Variants in SPTBN2 observed in about 807,000 individuals in gnomAD.
SPTBN2 encodes the protein spectrin beta chain, non-erythrocytic 2.
Under a neutral mutation model 284.2 loss-of-function variants are expected in SPTBN2, and 107 were observed. The observed-to-expected ratio is 0.38, with a 90% CI of 0.32 to 0.44. The LOEUF is 0.44. Ranked by LOEUF, SPTBN2 falls within the 20% of genes least tolerant of loss-of-function variation. SPTBN2 has a pLI of 1.00. For synonymous variants in SPTBN2, 1,289 were observed against 1,354.8 expected (o/e 0.95, Z 1.07); for missense variants, 2,569 against 3,287.1 (o/e 0.78, Z 5.34).
At chr11:66,713,880 G>A in intron 7 of SPTBN2, 134 bp from the exon 8 acceptor site, 2 of 870,764 alleles carry the variant, frequency 2.3e-6, no homozygotes, top group Non-Finnish European at 3.8e-6. Context: ...AACCCACACT[G>A]CTGCTCACAG....
chr11:66,714,138 G>A lies in SPTBN2; in HGVS notation c.609C>T (p.Thr203=). ...TGAAAGCTAGTCCATCTCTCCAGCT[G>A]GTGGTGAAGTTGTGTACATTGACGT... ...YPNVNVHNFT[T]SWRDGLAFNA... The change falls in exon 7 of 38, where the codon ACC becomes ACT. Residue 203 remains threonine, a synonymous_variant. Transcript: ENST00000533211. 6.2e-7 allele frequency: 1 copy of A among 1,614,224 alleles called. No homozygotes were observed. Among genetic ancestry groups the A allele is most frequent in the Non-Finnish European group, 8.5e-7 (1 of 1,180,048 alleles).
rs775065582 is a variant in SPTBN2 at position 66,689,796 on chromosome 11, C to G, written c.5949+9G>C. On this transcript the variant is annotated intron_variant, in intron 29 of 37. Transcript: ENST00000533211. Reference sequence around the variant, plus strand: ...GTGAGAATGGCCCGGCCACCCAGGCCTCACCCACCTCCTCGGCCGCATAGT... The same window carrying G: ...GTGAGAATGGCCCGGCCACCCAGGCGTCACCCACCTCCTCGGCCGCATAGT... 8 of 1,613,158 alleles carry G rather than the reference C, an allele frequency of 5.0e-6. No homozygotes were observed. The highest frequency in any genetic ancestry group is 5.9e-6 in the Non-Finnish European group (7 of 1,180,044).
chr11:66,694,755 G>A (rs978897336), intron 21 of SPTBN2, among the ~76,000 whole-genome samples: 1 of 152,142 alleles, frequency 6.6e-6, no homozygotes, highest in African/African-American at 2.4e-5. Flanking sequence ...CCAATCCATC[G>A]TGGCCCTGCT....
chr11:66,720,529 G>C (rs1299223958), intron 3 of SPTBN2, among the ~76,000 whole-genome samples: 1 of 152,220 alleles, frequency 6.6e-6, no homozygotes, highest in African/African-American at 2.4e-5. Flanking sequence ...GGCAGGCAGA[G>C]AGCACACCAG....
chr11:66,726,040 C>T (rs76506083), intron 1 of SPTBN2, among the ~76,000 whole-genome samples: 4,300 of 152,250 alleles, frequency 0.028, 202 homozygotes, highest in African/African-American at 0.098. Flanking sequence ...TGTCTCTCTG[C>T]CCGCTCCACA....
At chr11:66,686,535 G>A in intron 36 of SPTBN2, 95 bp from the exon 37 acceptor site, 1 of 1,395,562 alleles carries the variant, frequency 7.2e-7, no homozygotes, top group Non-Finnish European at 1.0e-6. Context: ...CACCAGGCTG[G>A]GACATCTGGC....
At chr11:66,722,892 C>CAAAAAAAAA (rs1293210992) in intron 1 of SPTBN2, among the ~76,000 whole-genome samples, 1 of 55,236 alleles carries the variant, frequency 1.8e-5, no homozygotes, top group Non-Finnish European at 3.7e-5. Context: ...GATTCTGCCT[C>CAAAAAAAAA]AAAAAAAAAA....
intron 15 of SPTBN2, among the ~76,000 whole-genome samples, chr11:66,703,364 G>A (rs1002730897): frequency 1.3e-5 from 2 of 152,036 alleles, no homozygotes; most frequent in Non-Finnish European, 2.9e-5. Flanking sequence ...TTACAGGTGT[G>A]AGCCACCAGG....
intron 28 of SPTBN2, 22 bp from the exon 29 acceptor site, chr11:66,689,965 A>T (rs747743786): frequency 8.1e-6 from 13 of 1,613,788 alleles, no homozygotes; most frequent in Admixed American, 1.7e-5. Flanking sequence ...CAGAAACAGC[A>T]TCACCTGCTG....
Position 66,705,289 on chromosome 11 carries a change from G to A in SPTBN2, c.1987C>T (p.Leu663Phe), listed in dbSNP as rs1416043873. 1 of 1,601,956 alleles carries A rather than the reference G, an allele frequency of 6.2e-7. No homozygotes were observed. The highest frequency in any genetic ancestry group is 8.5e-7 in the Non-Finnish European group (1 of 1,178,098). ...CGGCCCGTGTCGGCTGAGGCCAGGA[G>A]GTGCTGCTGCTCCCGCACCCAGGCC... ...AEAWVREQQH[L>F]LASADTGRDL... is the part of the protein sequence containing the mutation. Residue 663 changes from leucine to phenylalanine, a missense_variant, in exon 15 of 38, where the codon CTC becomes TTC. Leu to Phe is a conservative substitution (Grantham distance 22). Transcript: ENST00000533211.
intron 17 of SPTBN2, 79 bp from the exon 18 acceptor site, chr11:66,699,687 T>C (rs1394128406): frequency 7.0e-7 from 1 of 1,437,350 alleles, no homozygotes; most frequent in East Asian, 2.3e-5. Context: ...CAGGGGCAAA[T>C]CTGAGAGGTA....
At chr11:66,716,799 G>C (rs1398842976) in intron 3 of SPTBN2, among the ~76,000 whole-genome samples, 1 of 152,248 alleles carries the variant, frequency 6.6e-6, no homozygotes, top group African/African-American at 2.4e-5. Context: ...GCCCGAAGGA[G>C]AGCAAGAGCT....
chr11:66,688,512 G>A (rs1940309559), intron 31 of SPTBN2, 141 bp downstream of exon 31: 1 of 1,457,390 alleles, frequency 6.9e-7, no homozygotes, highest in Admixed American at 2.0e-5. Context: ...TCCTAAAGGT[G>A]TGGTGACAAT....
chr11:66,731,526 G>A (rs1942814353), upstream of SPTBN2, among the ~76,000 whole-genome samples: 1 of 152,190 alleles, frequency 6.6e-6, no homozygotes, highest in Non-Finnish European at 1.5e-5. Flanking sequence ...GGGAAGAGGT[G>A]TCCCTCTTTT....
chr11:66,716,613 G>A (rs1942163542), intron 3 of SPTBN2, among the ~76,000 whole-genome samples: 1 of 152,244 alleles, frequency 6.6e-6, no homozygotes, highest in Non-Finnish European at 1.5e-5. Context: ...TGGAATGCTG[G>A]TCAAGTGACT....
In SPTBN2 at chr11:66,689,912, T is replaced by C. The variant is rs1489782983; in HGVS notation, c.5842A>G (p.Asn1948Asp). 1 of 1,614,046 alleles carries C rather than the reference T, an allele frequency of 6.2e-7. No individual in the cohort carries two copies. The highest frequency in any genetic ancestry group is 8.5e-7 in the Non-Finnish European group (1 of 1,180,000). Residue 1948 changes from asparagine (N) to aspartate (D), a missense_variant, in exon 29 of 38, where the codon AAC (asparagine) becomes GAC (aspartate). By Grantham distance (23) the Asn-to-Asp change is conservative. Around this residue, in one of 6 missense-constraint regions of SPTBN2, gnomAD observed 1,130 missense variants for 1,317.3 expected, o/e 0.86. Coordinates refer to ENST00000533211, the MANE Select transcript of SPTBN2 (RefSeq NM_006946.4). ...ATCTCTGCCTTGATGCCTTGCTGGT[T>C]CTTGATGACTAGATCCGCGGAGGAC... Reference protein sequence around the residue: ...DVSSADLVIKNQQGIKAEIEA... With the variant: ...DVSSADLVIKDQQGIKAEIEA...
chr11:66,704,734 A>C lies in SPTBN2; in HGVS notation c.2542T>G (p.Leu848Val). 1 of 1,603,004 alleles carries C rather than the reference A, an allele frequency of 6.2e-7. No homozygotes were observed. The highest frequency in any genetic ancestry group is 8.5e-7 in the Non-Finnish European group (1 of 1,175,944). ...GTGTAGAGCGCCAGGGCTGCCTCCA[A>C]GGCCCGCGCTCGCTCGCCTGCCCGG... ...QARAGERARALEAALALYTML... is the reference protein window; with the variant it reads ...QARAGERARAVEAALALYTML... The change falls in exon 15 of 38, where the codon TTG (leucine) becomes GTG (valine). Residue 848 changes from leucine (L) to valine (V), a missense_variant. Leu to Val is a conservative substitution (Grantham distance 32). Transcript: ENST00000533211.
At chr11:66,696,749 C>T (rs1350217354) in intron 20 of SPTBN2, among the ~76,000 whole-genome samples, 1 of 152,202 alleles carries the variant, frequency 6.6e-6, no homozygotes, top group African/African-American at 2.4e-5. Flanking sequence ...CCCACTCCTC[C>T]TTCAAGACCC....
chr11:66,717,007 A>C (rs1942179608), intron 3 of SPTBN2, among the ~76,000 whole-genome samples: 1 of 152,148 alleles, frequency 6.6e-6, no homozygotes, highest in Non-Finnish European at 1.5e-5. Context: ...GGGGTTGGGG[A>C]CAGTACATTC....
Sources: allele counts gnomAD v4.1 joint callset (sites outside exome capture counted in the v4.1 genomes callset), GRCh38; gene constraint gnomAD v4.1.1; regional missense constraint gnomAD v4.1.1; transcripts MANE v1.5; gene names NCBI Gene and HGNC (gene_info 2026-07-23, HGNC 2026-07-21).